The following PKP4 variants were observed in gnomAD, a reference collection of about 807,000 sequenced individuals.
PKP4 encodes plakophilin-4.
Under a neutral mutation model 145.1 loss-of-function variants are expected in PKP4, and 90 were observed. The observed-to-expected ratio is 0.62, with a 90% CI of 0.52 to 0.74. The LOEUF (loss-of-function observed/expected upper bound fraction) is 0.74, where lower values mean the gene tolerates loss of function less well. Among genes scored for constraint, PKP4 ranks in the 30% least tolerant of loss-of-function variants. The pLI is 0.00. For synonymous variants in PKP4, 563 were observed against 577.2 expected (o/e 0.98, Z 0.35); for missense variants, 1,340 against 1,482.7 (o/e 0.90, Z 1.58).
intron 2 of PKP4, among the ~76,000 whole-genome samples, chr2:158,547,987 T>C (rs2045236087): frequency 6.6e-6 from 1 of 152,224 alleles, no homozygotes; most frequent in Non-Finnish European, 1.5e-5. Context: ...AAAATTTTGT[T>C]TTAGATTTGT....
At chr2:158,578,748 A>C (rs1427481680) in intron 3 of PKP4, among the ~76,000 whole-genome samples, 1 of 152,222 alleles carries the variant, frequency 6.6e-6, no homozygotes, top group African/African-American at 2.4e-5. Flanking sequence ...TTACTAACTA[A>C]ATTAAAATAG....
intron 1 of PKP4, among the ~76,000 whole-genome samples, chr2:158,475,215 C>T (rs1250882159): frequency 2.6e-5 from 4 of 152,252 alleles, no homozygotes; most frequent in Admixed American, 6.5e-5. Context: ...CCATTTGAAA[C>T]GCCAAGGACC....
At chr2:158,665,263 GAGA>G (rs764992410) in intron 15 of PKP4, among the ~76,000 whole-genome samples, 1 of 152,190 alleles carries the variant, frequency 6.6e-6, no homozygotes, top group Non-Finnish European at 1.5e-5. Context: ...AGGTTTCAGA[GAGA>G]AGTTCATAAA....
intron 1 of PKP4, among the ~76,000 whole-genome samples, chr2:158,492,389 T>C (rs1695069196): frequency 6.6e-6 from 1 of 152,208 alleles, no homozygotes; most frequent in African/African-American, 2.4e-5. Context: ...TTAATCTCAG[T>C]TGCTTCCTCT....
At chr2:158,578,435 T>C (rs1336141088) in intron 3 of PKP4, among the ~76,000 whole-genome samples, 1 of 152,116 alleles carries the variant, frequency 6.6e-6, no homozygotes, top group Admixed American at 6.5e-5. Flanking sequence ...AAGAGAATTA[T>C]AAGCAAGGTA....
At chr2:158,561,808 A>ATTTTTTTTTTTT (rs1427519880) in intron 2 of PKP4, among the ~76,000 whole-genome samples, 1 of 126,004 alleles carries the variant, frequency 7.9e-6, no homozygotes, top group Non-Finnish European at 1.9e-5. Context: ...TTTTTTTTTA[A>ATTTTTTTTTTTT]TTTAAGTTCT....
chr2:158,673,889 T>A lies in PKP4; in HGVS notation c.3016T>A (p.Trp1006Arg). ...TTTTCTCTTAACTCTGCAGGATGGG[T>A]GGAATCAGAACCATTTTATTACACC... ...DLRSIYKKDGWNQNHFITPVS... is the reference protein window; with the variant it reads ...DLRSIYKKDGRNQNHFITPVS... The change falls in exon 19 of 22, where the codon TGG becomes AGG. Residue 1006 changes from tryptophan (W) to arginine (R), a missense_variant. By Grantham distance (101) the Trp-to-Arg change is moderately radical. Transcript: ENST00000389759. 1 of 1,602,730 alleles carries A rather than the reference T, an allele frequency of 6.2e-7. No homozygotes were observed. Among genetic ancestry groups the A allele is most frequent in the Non-Finnish European group, 8.6e-7 (1 of 1,169,534 alleles).
intron 1 of PKP4, among the ~76,000 whole-genome samples, chr2:158,531,809 A>G (rs757926879): frequency 2.6e-5 from 4 of 152,214 alleles, no homozygotes; most frequent in Non-Finnish European, 4.4e-5. Context: ...TCTAGGCCTT[A>G]TGTGCCATGA....
In PKP4 at chr2:158,592,530, G is replaced by A. The variant is rs146972658; in HGVS notation, c.246-10540G>A. ...AAACCTTTCTTTTTCAAAAAGCAAGGCAGAAATTTAACAAGTGTATTATGC... is the reference window on the plus strand; with the variant it reads ...AAACCTTTCTTTTTCAAAAAGCAAGACAGAAATTTAACAAGTGTATTATGC... On this transcript the variant is annotated intron_variant, in intron 3 of 21. Transcript: ENST00000389759. 3.9e-5 allele frequency among the ~76,000 whole-genome samples: 6 copies of A among 152,022 alleles called. No individual in the cohort carries two copies. The East Asian group carries it at 9.7e-4, about 24-fold the overall frequency.
At chr2:158,475,491 G>A (rs887529668) in intron 1 of PKP4, among the ~76,000 whole-genome samples, 1 of 152,170 alleles carries the variant, frequency 6.6e-6, no homozygotes, top group East Asian at 1.9e-4. Flanking sequence ...AGCAGATTCT[G>A]TCTGTGCTCT....
At chr2:158,623,335 C>G (rs770254584) in intron 6 of PKP4, among the ~76,000 whole-genome samples, 2 of 152,064 alleles carry the variant, frequency 1.3e-5, no homozygotes, top group Non-Finnish European at 2.9e-5. Context: ...CCACCATGCC[C>G]AGCTAATTTT....
intron 6 of PKP4, among the ~76,000 whole-genome samples, chr2:158,622,893 C>G (rs2052389756): frequency 6.6e-6 from 1 of 152,174 alleles, no homozygotes; most frequent in Admixed American, 6.5e-5. Context: ...GGTCTGAAAT[C>G]ACACTTTTCA....
chr2:158,484,032 C>CTTTTTTT (rs11289096), intron 1 of PKP4, among the ~76,000 whole-genome samples: 12 of 95,932 alleles, frequency 1.3e-4, no homozygotes, highest in South Asian at 3.7e-4. Flanking sequence ...TTTTCTTTTT[C>CTTTTTTT]TTTTTTTTTT....
At chr2:158,620,239 C>T (rs541239749) in intron 4 of PKP4, among the ~76,000 whole-genome samples, 23 of 150,430 alleles carry the variant, frequency 1.5e-4, no homozygotes, top group Non-Finnish European at 3.0e-4. Context: ...GAAGGACATA[C>T]GGGAATCGAA....
intron 2 of PKP4, among the ~76,000 whole-genome samples, chr2:158,563,597 A>T (rs1204369132): frequency 6.6e-6 from 1 of 151,950 alleles, no homozygotes; most frequent in Non-Finnish European, 1.5e-5. Flanking sequence ...TCCCATTTTG[A>T]TGATTATTGG....
At chr2:158,481,427 A>G (rs1693338006) in intron 1 of PKP4, among the ~76,000 whole-genome samples, 1 of 152,172 alleles carries the variant, frequency 6.6e-6, no homozygotes, top group Non-Finnish European at 1.5e-5. Flanking sequence ...TTGCTGGGTC[A>G]TATGGAAGCT....
At position 158,625,382 on chromosome 2, in the gene PKP4, G is replaced by A. The variant is rs1329988299; in HGVS notation, c.1108G>A (p.Asp370Asn). The A allele has an allele frequency of 1.2e-6, 2 of 1,614,140 alleles. No individual in the cohort carries two copies. The highest frequency in any genetic ancestry group is 1.7e-6 in the Non-Finnish European group (2 of 1,180,004). Residue 370 changes from aspartate (D) to asparagine (N), a missense_variant, in exon 7 of 22, where the codon GAC (aspartate) becomes AAC (asparagine). Physicochemically the swap from Asp to Asn is conservative, Grantham distance 23. Transcript: ENST00000389759. ...GGAGCAATTCGGACAGCAGCAGTAT[G>A]ACATTTATGAGAGGATGGTTCCACC... ...DMEQFGQQQY[D>N]IYERMVPPRP...
At chr2:158,507,213 A>G (rs2041067395) in intron 1 of PKP4, among the ~76,000 whole-genome samples, 1 of 152,098 alleles carries the variant, frequency 6.6e-6, no homozygotes, top group Non-Finnish European at 1.5e-5. Context: ...GACTGGTATT[A>G]CATACTGAAT....
At chr2:158,496,807 A>C (rs1054310423) in intron 1 of PKP4, among the ~76,000 whole-genome samples, 1 of 107,162 alleles carries the variant, frequency 9.3e-6, no homozygotes, top group African/African-American at 3.0e-5. Context: ...TGTGTGTCTC[A>C]CTCTCTCTGT....
Sources: allele counts gnomAD v4.1 joint callset (sites outside exome capture counted in the v4.1 genomes callset), GRCh38; gene constraint gnomAD v4.1.1; transcripts MANE v1.5; gene names NCBI Gene and HGNC (gene_info 2026-07-23, HGNC 2026-07-21).